PPP2R2B: variants seen among roughly 807,000 people sequenced by gnomAD.
PPP2R2B encodes protein phosphatase 2 regulatory subunit Bbeta.
PPP2R2B carries 5 observed loss-of-function variants against 46.0 expected under a neutral mutation model. That is an observed-to-expected ratio of 0.11 (90% CI 0.06 to 0.23). PPP2R2B has a LOEUF of 0.23. Among genes scored for constraint, PPP2R2B ranks in the 10% least tolerant of loss-of-function variants. The probability of loss-of-function intolerance (pLI) is 1.00; values close to 1 mark genes in which losing one functional copy is unlikely to be tolerated. For missense variants in PPP2R2B, 367 were observed against 575.0 expected (o/e 0.64, Z 3.70); for synonymous variants, 215 against 206.7 (o/e 1.04, Z -0.34).
intron 5 of PPP2R2B, among the ~76,000 whole-genome samples, chr5:146,689,221 C>T (rs186424943): frequency 2.4e-4 from 36 of 152,216 alleles, no homozygotes; most frequent in Admixed American, 5.2e-4. Flanking sequence ...CACAAAATAA[C>T]TTATTGAATC....
chr5:146,880,194 TG>T (rs1762120148), upstream of PPP2R2B, among the ~76,000 whole-genome samples: 1 of 149,962 alleles, frequency 6.7e-6, no homozygotes, highest in Non-Finnish European at 1.5e-5. Flanking sequence ...TGTGTGTGTG[TG>T]TGTGTGTGTG....
At chr5:146,659,126 TA>T (rs1278353970) in intron 5 of PPP2R2B, among the ~76,000 whole-genome samples, 5 of 152,188 alleles carry the variant, frequency 3.3e-5, no homozygotes, top group East Asian at 3.9e-4. Context: ...GCTTTTGACT[TA>T]AAAAAAATTT....
chr5:146,905,060 C>CATT (rs1762953611), intron 1 of PPP2R2B, among the ~76,000 whole-genome samples: 2 of 152,096 alleles, frequency 1.3e-5, no homozygotes, highest in South Asian at 4.1e-4. Context: ...ATATGCTCAA[C>CATT]ATTATTAGTC....
intron 1 of PPP2R2B, among the ~76,000 whole-genome samples, chr5:146,896,117 C>G (rs955280342): frequency 6.6e-6 from 1 of 152,072 alleles, no homozygotes; most frequent in Non-Finnish European, 1.5e-5. Flanking sequence ...TGGAGTTACA[C>G]AAACTTTGAT....
At chr5:146,777,383 G>T (rs943659687) in intron 2 of PPP2R2B, among the ~76,000 whole-genome samples, 3 of 152,068 alleles carry the variant, frequency 2.0e-5, no homozygotes, top group African/African-American at 7.2e-5. Context: ...GACAATTATT[G>T]TATGATTCTA....
intron 1 of PPP2R2B, among the ~76,000 whole-genome samples, chr5:146,908,777 CCCTCCCTTCCTCCCTT>C (rs200380168): frequency 6.6e-6 from 1 of 150,558 alleles, no homozygotes; most frequent in South Asian, 2.1e-4. Flanking sequence ...TCCTTTCCCG[CCCTCCCTTCCTCCCTT>C]CCTCCCTTCC....
intron 1 of PPP2R2B, among the ~76,000 whole-genome samples, chr5:146,966,655 G>A (rs1261410679): frequency 2.6e-5 from 4 of 152,160 alleles, no homozygotes; most frequent in Admixed American, 6.6e-5. Context: ...AGCCAAGTGT[G>A]GGGCCATGTG....
chr5:146,689,700 A>G (rs1007147976), intron 5 of PPP2R2B, among the ~76,000 whole-genome samples: 1 of 152,176 alleles, frequency 6.6e-6, no homozygotes, highest in African/African-American at 2.4e-5. Flanking sequence ...TGACTCAACA[A>G]TAATACTCTT....
At chr5:146,819,660 T>A (rs780461867) in intron 2 of PPP2R2B, among the ~76,000 whole-genome samples, 8 of 152,246 alleles carry the variant, frequency 5.3e-5, no homozygotes, top group Non-Finnish European at 7.3e-5. Flanking sequence ...AAAATGAATT[T>A]GCTTTTTTTA....
chr5:146,974,954 G>T (rs986688191), intron 1 of PPP2R2B, among the ~76,000 whole-genome samples: 10 of 152,102 alleles, frequency 6.6e-5, no homozygotes, highest in Admixed American at 6.6e-4. Context: ...CTCCCAAAGT[G>T]CTGGGACTAC....
intron 1 of PPP2R2B, among the ~76,000 whole-genome samples, chr5:146,884,683 C>G (rs1006601049): frequency 5.3e-5 from 8 of 152,180 alleles, no homozygotes; most frequent in Non-Finnish European, 8.8e-5. Flanking sequence ...TCTTGTACCT[C>G]TTACCATTCA....
rs548396933 is a variant in PPP2R2B, at chr5:146,606,050, A to T, written c.791-5590T>A. ...GGAAAATCTTGAATTCAGTTATTCA[A>T]GAATTCAAAAATAAGAGAAAGAATT... On this transcript the variant is annotated intron_variant, in intron 7 of 9. Coordinates refer to ENST00000394411, the MANE Select transcript of PPP2R2B (RefSeq NM_181675.4). Among the ~76,000 whole-genome samples the T allele has an allele frequency of 2.0e-5, 3 of 152,358 alleles. No homozygotes were observed. The South Asian group carries it at 6.2e-4, about 32-fold the overall frequency.
chr5:146,997,065 G>A (rs981103427), intron 1 of PPP2R2B, among the ~76,000 whole-genome samples: 1 of 152,166 alleles, frequency 6.6e-6, no homozygotes, highest in Non-Finnish European at 1.5e-5. Context: ...CAACTCTAAA[G>A]TTCTAGATTT....
intron 1 of PPP2R2B, among the ~76,000 whole-genome samples, chr5:147,048,784 T>C (rs939486458): frequency 6.6e-6 from 1 of 152,184 alleles, no homozygotes; most frequent in Non-Finnish European, 1.5e-5. Context: ...CCCTACTTTA[T>C]TACTAAGACT....
intron 2 of PPP2R2B, among the ~76,000 whole-genome samples, chr5:146,806,471 T>G (rs186980470): frequency 7.8e-4 from 118 of 151,818 alleles, no homozygotes; most frequent in African/African-American, 2.8e-3. Flanking sequence ...GCTTGTAATA[T>G]AAAAAAAAGA....
At position 146,717,927 on chromosome 5, in the gene PPP2R2B, CT is replaced by C. The variant is rs1780586074; in HGVS notation, c.71-16786del. Among the ~76,000 whole-genome samples, 3 of 152,142 alleles carry C rather than the reference CT, an allele frequency of 2.0e-5. No homozygotes were observed. The South Asian group carries it at 6.2e-4, about 31-fold the overall frequency. On this transcript the variant is annotated intron_variant, in intron 2 of 9. Coordinates refer to ENST00000394411, the MANE Select transcript of PPP2R2B (RefSeq NM_181675.4). ...AACAACAGCACTTCCTGAGAGTGGACTTTTCTGACAACCTATTTTAAAGTCT... is the reference window on the plus strand; with the variant it reads ...AACAACAGCACTTCCTGAGAGTGGACTTTCTGACAACCTATTTTAAAGTCT...
chr5:146,747,840 G>T (rs1336194112), intron 2 of PPP2R2B, among the ~76,000 whole-genome samples: 1 of 152,152 alleles, frequency 6.6e-6, no homozygotes, highest in Non-Finnish European at 1.5e-5. Flanking sequence ...TAACTACTTA[G>T]TAAACAGAAC....
rs563918228 is a variant in PPP2R2B, at chr5:146,642,900, T to C, written c.626-4485A>G. Among the ~76,000 whole-genome samples, 25 of 152,076 alleles carry C rather than the reference T, an allele frequency of 1.6e-4. No individual in the cohort carries two copies. In the East Asian group the frequency reaches 4.4e-3, roughly 27 times the overall value. ...GGTGAAACCCTATCTCTACCAAACA[T>C]ACAAAAATTAGCCAGGTGTGGTGGC... is the stretch of plus-strand genomic sequence containing the variant. On this transcript the variant is annotated intron_variant, in intron 6 of 9. Transcript: ENST00000394411.
intron 1 of PPP2R2B, among the ~76,000 whole-genome samples, chr5:147,015,330 T>A (rs901906520): frequency 6.6e-6 from 1 of 151,664 alleles, no homozygotes; most frequent in African/African-American, 2.4e-5. Flanking sequence ...GTTGGAACAA[T>A]GTGAACCTCC....
Sources: allele counts gnomAD v4.1 joint callset (sites outside exome capture counted in the v4.1 genomes callset), GRCh38; gene constraint gnomAD v4.1.1; transcripts MANE v1.5; gene names NCBI Gene and HGNC (gene_info 2026-07-23, HGNC 2026-07-21).